The following PDE10A variants were observed in gnomAD, a reference collection of about 807,000 sequenced individuals.
The protein encoded by PDE10A is phosphodiesterase 10A.
PDE10A carries 39 observed loss-of-function variants against 97.7 expected under a neutral mutation model. The observed-to-expected ratio is 0.40, with a 90% CI of 0.31 to 0.52. The LOEUF is 0.52. Among genes scored for constraint, PDE10A ranks in the 20% least tolerant of loss-of-function variants. The pLI is 0.56. For missense variants in PDE10A, 731 were observed against 1,047.8 expected (o/e 0.70, Z 4.17); for synonymous variants, 371 against 376.8 (o/e 0.98, Z 0.18).
chr6:165,392,222 T>A (rs1433059735), intron 16 of PDE10A, among the ~76,000 whole-genome samples: 1 of 152,190 alleles, frequency 6.6e-6, no homozygotes, highest in East Asian at 1.9e-4. Flanking sequence ...ACATTTCAGA[T>A]CCTTTAGTTT....
intron 18 of PDE10A, among the ~76,000 whole-genome samples, chr6:165,351,909 A>G (rs1782717453): frequency 1.3e-5 from 2 of 152,210 alleles, no homozygotes; most frequent in South Asian, 2.1e-4. Context: ...ACTGGAGTGC[A>G]GTGGTGCAAT....
chr6:165,543,391 C>T (rs745477443), intron 2 of PDE10A, 49 bp downstream of exon 2: 4 of 1,549,734 alleles, frequency 2.6e-6, no homozygotes, highest in Admixed American at 1.9e-5. Context: ...AGTCTTTTGC[C>T]GTAAGATAGA....
At chr6:165,469,403 G>A (rs565950987) in intron 3 of PDE10A, among the ~76,000 whole-genome samples, 3 of 152,262 alleles carry the variant, frequency 2.0e-5, no homozygotes, top group South Asian at 2.1e-4. Flanking sequence ...CGCTCCACAC[G>A]GGTTTCTGAG....
chr6:165,580,541 TTAAGGAAAAAGTAA>T (rs1281080380), intron 1 of PDE10A, among the ~76,000 whole-genome samples: 1 of 152,172 alleles, frequency 6.6e-6, no homozygotes, highest in Non-Finnish European at 1.5e-5. Flanking sequence ...ACAATTAGTT[TTAAGGAAAAAGTAA>T]TGTGCATATA....
intron 5 of PDE10A, among the ~76,000 whole-genome samples, chr6:165,446,188 A>C (rs1374161244): frequency 6.6e-6 from 1 of 152,214 alleles, no homozygotes; most frequent in African/African-American, 2.4e-5. Context: ...TTATCTACCA[A>C]AGATATATTC....
chr6:165,653,893 G>GC (rs934604056), intron 1 of PDE10A, among the ~76,000 whole-genome samples: 16 of 151,928 alleles, frequency 1.1e-4, no homozygotes, highest in Non-Finnish European at 2.2e-4. Context: ...TCTGCACAAA[G>GC]CCCCCCAGCC....
intron 17 of PDE10A, 133 bp from the exon 18 acceptor site, chr6:165,379,499 T>C: frequency 1.5e-6 from 1 of 645,990 alleles, no homozygotes. Flanking sequence ...GGGGTAACTT[T>C]TGTTTTTTTT....
At chr6:165,372,817 G>T (rs1784352093) in intron 18 of PDE10A, among the ~76,000 whole-genome samples, 1 of 147,498 alleles carries the variant, frequency 6.8e-6, no homozygotes, top group Non-Finnish European at 1.5e-5. Context: ...CACGCTACCT[G>T]ACTTCAAAGT....
chr6:165,770,861 C>A (rs1309397929), intron 1 of PDE10A, among the ~76,000 whole-genome samples: 2 of 152,240 alleles, frequency 1.3e-5, no homozygotes, highest in African/African-American at 4.8e-5. Context: ...TCCCCAGGTG[C>A]TCCCGGGGCC....
In PDE10A at chr6:165,405,660, C is replaced by T. The variant is rs143619183; in HGVS notation, c.2076+7841G>A. ...AGGCTCAAGAACATAAGCTGACTTC[C>T]CCAAGGTCAGAATGTTGGAAAGTAA... On this transcript the variant is annotated intron_variant, in intron 13 of 21. Coordinates refer to ENST00000539869, the MANE Select transcript of PDE10A (RefSeq NM_001385079.1). Among the ~76,000 whole-genome samples the T allele has an allele frequency of 2.8e-4, 43 of 152,238 alleles. No homozygotes were observed. The East Asian group carries it at 7.9e-3, about 28-fold the overall frequency.
intron 1 of PDE10A, chr6:165,894,294 A>T (rs757082909): frequency 6.6e-6 from 3 of 455,978 alleles, no homozygotes; most frequent in Non-Finnish European, 1.3e-5. Flanking sequence ...AGATGTGTTG[A>T]TCCAATCTGC....
chr6:165,498,421 T>TC (rs1391561236), intron 2 of PDE10A, among the ~76,000 whole-genome samples: 19 of 27,252 alleles, frequency 7.0e-4, no homozygotes, highest in African/African-American at 2.4e-3. Context: ...AGACCCTGTC[T>TC]CCAAAAAAAA....
intron 2 of PDE10A, among the ~76,000 whole-genome samples, chr6:165,493,195 C>G (rs969927565): frequency 2.0e-5 from 3 of 152,046 alleles, no homozygotes; most frequent in Non-Finnish European, 4.4e-5. Flanking sequence ...ACAATATAAA[C>G]AAATGGAAAC....
At chr6:165,591,573 T>C (rs969776815) in intron 1 of PDE10A, among the ~76,000 whole-genome samples, 2 of 152,250 alleles carry the variant, frequency 1.3e-5, no homozygotes, top group Non-Finnish European at 2.9e-5. Context: ...CATTACTCAC[T>C]GGTCCTGCCC....
At chr6:165,717,501 T>C (rs910650358) in intron 1 of PDE10A, among the ~76,000 whole-genome samples, 2 of 152,060 alleles carry the variant, frequency 1.3e-5, no homozygotes, top group Admixed American at 1.3e-4. Context: ...GGAGAATTGC[T>C]TGAACCTGGG....
At chr6:165,350,688 G>T (rs1283724652) in intron 18 of PDE10A, among the ~76,000 whole-genome samples, 1 of 152,134 alleles carries the variant, frequency 6.6e-6, no homozygotes. Flanking sequence ...ACCCTCACTT[G>T]TCATGGGAGG....
At chr6:165,953,715 A>C (rs568361846) in intron 1 of PDE10A, among the ~76,000 whole-genome samples, 1 of 152,218 alleles carries the variant, frequency 6.6e-6, no homozygotes, top group Non-Finnish European at 1.5e-5. Flanking sequence ...CTAGTGTGGC[A>C]TATCTGTTAC....
Position 165,958,701 on chromosome 6 carries a change from A to AGAG in PDE10A, c.-615+28827_-615+28828insCTC, listed in dbSNP as rs1446558106. On this transcript the variant is annotated intron_variant, in intron 1 of 19. Transcript: ENST00000366882. ...AGGAAGGAAAGAAAGAAAGAGAAAG[A>AGAG]AAGAAAGAAAGAGAGAAGAAAGAAA... 1.3e-3 allele frequency among the ~76,000 whole-genome samples: 181 copies of AGAG among 142,128 alleles called. 1 individual carries two copies. The highest frequency in any genetic ancestry group is 4.7e-3 in the African/African-American group (169 of 36,106). 93.2% of individuals were successfully genotyped at this position (142,128 alleles called of 152,430 possible).
At chr6:165,491,241 C>T (rs755266987) in intron 2 of PDE10A, among the ~76,000 whole-genome samples, 18 of 151,952 alleles carry the variant, frequency 1.2e-4, no homozygotes, top group Non-Finnish European at 2.5e-4. Flanking sequence ...AACACTGGAG[C>T]GCCCAAATTT....
Sources: allele counts gnomAD v4.1 joint callset (sites outside exome capture counted in the v4.1 genomes callset), GRCh38; gene constraint gnomAD v4.1.1; transcripts MANE v1.5; gene names NCBI Gene and HGNC (gene_info 2026-07-23, HGNC 2026-07-21).